IL1RAPL1: variants seen among roughly 807,000 people sequenced by gnomAD.
IL1RAPL1 encodes interleukin 1 receptor accessory protein like 1, also known as interleukin-1 receptor accessory protein-like 1.
In IL1RAPL1, 3 loss-of-function variants were observed where a neutral mutation model predicts 48.4. The ratio of observed to expected loss-of-function variants is 0.06; its 90% CI spans 0.03 to 0.16. IL1RAPL1 has a LOEUF of 0.16. Among genes scored for constraint, IL1RAPL1 ranks in the 10% least tolerant of loss-of-function variants. IL1RAPL1 has a pLI of 1.00. For missense variants in IL1RAPL1, 349 were observed against 530.6 expected (o/e 0.66, Z 3.36); for synonymous variants, 185 against 187.7 (o/e 0.99, Z 0.12).
At chrX:29,819,073 G>A (rs752184465) in intron 6 of IL1RAPL1, among the ~76,000 whole-genome samples, 36 of 111,626 alleles carry the variant, frequency 3.2e-4, no homozygotes, top group Non-Finnish European at 1.1e-4. Context: ...AACATTCAAC[G>A]TAACAAAGGA....
chrX:29,058,947 C>T (rs774575711), intron 2 of IL1RAPL1, among the ~76,000 whole-genome samples: 1 of 111,686 alleles, frequency 9.0e-6, no homozygotes, highest in African/African-American at 3.3e-5. Context: ...AGGATATGTT[C>T]GATTAAGAGA....
intron 2 of IL1RAPL1, among the ~76,000 whole-genome samples, chrX:28,901,837 A>T (rs950290784): frequency 8.9e-6 from 1 of 111,894 alleles, no homozygotes; most frequent in African/African-American, 3.2e-5. Flanking sequence ...CTCAAAGGTC[A>T]CTTTTGTGAA....
intron 3 of IL1RAPL1, among the ~76,000 whole-genome samples, chrX:29,367,317 A>G (rs888689302): frequency 3.6e-5 from 4 of 111,915 alleles, no homozygotes; most frequent in African/African-American, 1.3e-4. Context: ...AGCAAGATGA[A>G]TGGCAGACAG....
chrX:29,381,491 CAAAAAAAAAAAAAAAAAAAAA>C (rs548019465), intron 3 of IL1RAPL1, among the ~76,000 whole-genome samples: 13 of 6,461 alleles, frequency 2.0e-3, no homozygotes, highest in South Asian at 0.045. Context: ...CTCATCTCTA[CAAAAAAAAAAAAAAAAAAAAA>C]AAAAAAAAAA....
At chrX:29,339,882 C>T in intron 3 of IL1RAPL1, among the ~76,000 whole-genome samples, 2 of 111,796 alleles carry the variant, frequency 1.8e-5, no homozygotes, top group Middle Eastern at 4.6e-3. Context: ...AGAGTACTCA[C>T]TAGGTATTTT....
intron 1 of IL1RAPL1, among the ~76,000 whole-genome samples, chrX:28,667,138 A>G (rs938963743): frequency 6.2e-5 from 7 of 112,069 alleles, no homozygotes; most frequent in South Asian, 7.4e-4. Context: ...AAAAATTCCA[A>G]GCAAGTGAAT....
At chrX:29,434,098 AT>A (rs921503365) in intron 5 of IL1RAPL1, among the ~76,000 whole-genome samples, 15 of 108,170 alleles carry the variant, frequency 1.4e-4, no homozygotes, top group African/African-American at 2.1e-4. Flanking sequence ...ATGTGTAGGT[AT>A]TTTTTTAAAA....
chrX:29,404,564 T>C (rs1206376666), intron 5 of IL1RAPL1, among the ~76,000 whole-genome samples: 12 of 112,149 alleles, frequency 1.1e-4, no homozygotes, highest in African/African-American at 3.9e-4. Flanking sequence ...CTCTCTCCTA[T>C]CCTTTATGAC....
intron 6 of IL1RAPL1, among the ~76,000 whole-genome samples, chrX:29,690,945 T>C (rs902054810): frequency 1.5e-3 from 164 of 107,929 alleles, no homozygotes; most frequent in African/African-American, 5.2e-3. Flanking sequence ...TATTAAAATA[T>C]TTAGAATCTT....
At chrX:28,744,089 G>A (rs1935942939) in intron 1 of IL1RAPL1, among the ~76,000 whole-genome samples, 1 of 108,146 alleles carries the variant, frequency 9.2e-6, no homozygotes. Context: ...CCCTTCTTCT[G>A]CCTTCCTTTC....
At chrX:29,234,016 G>A (rs138405946) in intron 2 of IL1RAPL1, among the ~76,000 whole-genome samples, 2,216 of 111,369 alleles carry the variant, frequency 0.02, 49 homozygotes, top group African/African-American at 0.069. Context: ...ATAACCACAA[G>A]GAAATGAATG....
At chrX:29,441,685 C>T (rs1329531249) in intron 5 of IL1RAPL1, among the ~76,000 whole-genome samples, 2 of 111,787 alleles carry the variant, frequency 1.8e-5, no homozygotes, top group Non-Finnish European at 3.8e-5. Context: ...TCCGTAAAAT[C>T]CTCAAATTTC....
chrX:29,077,628 A>AGAAAACC (rs1488612303), intron 2 of IL1RAPL1, among the ~76,000 whole-genome samples: 1 of 96,964 alleles, frequency 1.0e-5, no homozygotes, highest in African/African-American at 4.4e-5. Context: ...AAAAAGAAAA[A>AGAAAACC]GAAAACCGAA....
chrX:29,814,662 G>A (rs781130451), intron 6 of IL1RAPL1, among the ~76,000 whole-genome samples: 5 of 111,836 alleles, frequency 4.5e-5, no homozygotes, highest in Admixed American at 3.8e-4. Context: ...CAAGGCCAAC[G>A]TTGAAAAGGG....
intron 8 of IL1RAPL1, among the ~76,000 whole-genome samples, chrX:29,928,397 ACTC>A (rs1376007390): frequency 6.1e-4 from 66 of 108,284 alleles, no homozygotes; most frequent in African/African-American, 2.1e-3. Flanking sequence ...CCAACCCCTC[ACTC>A]CTCCTTCTCA....
intron 2 of IL1RAPL1, among the ~76,000 whole-genome samples, chrX:28,850,374 T>C (rs1921627097): frequency 9.0e-6 from 1 of 110,699 alleles, no homozygotes; most frequent in African/African-American, 3.3e-5. Flanking sequence ...GCCCCACTCT[T>C]CTTAGGAGCT....
chrX:29,010,047 C>T, intron 2 of IL1RAPL1, among the ~76,000 whole-genome samples: 1 of 111,729 alleles, frequency 9.0e-6, no homozygotes, highest in Non-Finnish European at 1.9e-5. Context: ...CTTGATTTGG[C>T]TCTCAGTTTG....
intron 2 of IL1RAPL1, among the ~76,000 whole-genome samples, chrX:29,253,188 G>GA (rs1480088298): frequency 9.0e-6 from 1 of 110,765 alleles, no homozygotes; most frequent in Non-Finnish European, 1.9e-5. Flanking sequence ...TTAATTGTAT[G>GA]AAAAGATGGA....
intron 5 of IL1RAPL1, among the ~76,000 whole-genome samples, chrX:29,661,380 A>T (rs956167821): frequency 1.8e-5 from 2 of 112,361 alleles, no homozygotes; most frequent in Admixed American, 9.4e-5. Flanking sequence ...GTAAAAGTGG[A>T]CATCTTTGTC....
Sources: gnomAD v4.1 joint callset for allele counts (sites outside exome capture counted in the v4.1 genomes callset) on GRCh38, gnomAD v4.1.1 for gene constraint, MANE v1.5 for transcripts, NCBI Gene and HGNC (gene_info 2026-07-23, HGNC 2026-07-21) for gene names.